The following MARK1 variants were observed in gnomAD, a reference collection of about 807,000 sequenced individuals.
MARK1 encodes the protein serine/threonine-protein kinase MARK1.
MARK1 carries 40 observed loss-of-function variants against 96.3 expected under a neutral mutation model. That is an observed-to-expected ratio of 0.42 (90% CI 0.32 to 0.54). The LOEUF (loss-of-function observed/expected upper bound fraction) is 0.54. Among genes scored for constraint, MARK1 ranks in the 20% least tolerant of loss-of-function variants. MARK1 has a pLI of 0.16. For synonymous variants in MARK1, 317 were observed against 341.2 expected, an observed-to-expected ratio of 0.93 and a Z score of 0.78; for missense variants, 719 against 984.6, an observed-to-expected ratio of 0.73 and a Z score of 3.61.
At chr1:220,578,053 G>A (rs1663992480) in intron 1 of MARK1, among the ~76,000 whole-genome samples, 1 of 152,184 alleles carries the variant, frequency 6.6e-6, no homozygotes, top group South Asian at 2.1e-4. Flanking sequence ...CCTCTTTAAT[G>A]TTGCCTTTAA....
chr1:220,528,604 C>A lies in MARK1; in HGVS notation c.-219C>A, dbSNP rs1660077010. 2.0e-6 allele frequency: 1 copy of A among 492,284 alleles called. No homozygotes were observed. The highest frequency in any genetic ancestry group is 3.6e-6 in the Non-Finnish European group (1 of 280,286). The allele number at this position is 492,284 out of a possible 1,614,324, so 30.5% of individuals were successfully genotyped here. On this transcript the variant is annotated 5_prime_UTR_variant, in exon 1 of 18. Transcript: ENST00000366917. ...CCCTCCCTCGTTACTGTCCGCATAC[C>A]CCGGCGGCGCCGCCGCGGGAAGCGG...
At chr1:220,642,700 A>G (rs1668349638) in intron 13 of MARK1, among the ~76,000 whole-genome samples, 1 of 152,182 alleles carries the variant, frequency 6.6e-6, no homozygotes, top group Admixed American at 6.5e-5. Context: ...GGGTTAGTAG[A>G]CAACTCATAT....
In MARK1 at chr1:220,664,068, C is replaced by T. The variant is rs1343667137; in HGVS notation, c.*1902C>T. ...TATTGAAACTATGAAGGTTTCTTGT[C>T]ATTATGACAAGAAAGTTTAATCTTT... On this transcript the variant is annotated 3_prime_UTR_variant, in exon 18 of 18. Coordinates refer to ENST00000366917, the MANE Select transcript of MARK1 (RefSeq NM_018650.5). 3 of 152,358 alleles carry T rather than the reference C, an allele frequency of 2.0e-5. No individual in the cohort carries two copies. The highest frequency in any genetic ancestry group is 7.2e-5 in the African/African-American group (3 of 41,398). 9.4% of individuals were successfully genotyped at this position (152,358 alleles called of 1,614,324 possible).
At chr1:220,531,182 C>G (rs1660292582) in intron 1 of MARK1, among the ~76,000 whole-genome samples, 1 of 152,160 alleles carries the variant, frequency 6.6e-6, no homozygotes, top group African/African-American at 2.4e-5. Flanking sequence ...TAGTAAATGG[C>G]ATCATCCATT....
Position 220,652,025 on chromosome 1 carries a change from C to T in MARK1, c.1611C>T (p.Gly537=), listed in dbSNP as rs1184599273. 5 of 1,611,620 alleles carry T rather than the reference C, an allele frequency of 3.1e-6. No homozygotes were observed. The highest frequency in any genetic ancestry group is 1.7e-5 in the Admixed American group (1 of 59,990). The change falls in exon 15 of 18, where the codon GGC becomes GGT. Residue 537 remains glycine, a synonymous_variant. Coordinates refer to ENST00000366917, the MANE Select transcript of MARK1 (RefSeq NM_018650.5). ...EMSVSSISSA[G]SSVASAVPSA... ...CTGTGAGTAGCATATCTTCTGCAGGCTCTTCTGTGGCCTCTGCTGTCCCCT... is the reference window on the plus strand; with the variant it reads ...CTGTGAGTAGCATATCTTCTGCAGGTTCTTCTGTGGCCTCTGCTGTCCCCT...
chr1:220,631,051 G>A lies in MARK1; in HGVS notation c.926G>A (p.Arg309Gln), dbSNP rs767899528. ...ATTTCCTAGCAAATAATGAAAGATC[G>A]ATGGATGAATGTTGGTCATGAAGAG... ...RGSLEQIMKD[R>Q]WMNVGHEEEE... is the part of the protein sequence containing the mutation. The change falls in exon 10 of 18, where the codon CGA becomes CAA. Residue 309 changes from arginine to glutamine, a missense_variant. Physicochemically the swap from Arg to Gln is conservative, Grantham distance 43. Around this residue, in one of 4 missense-constraint regions of MARK1, gnomAD observed 501 missense variants for 588.3 expected, o/e 0.85. Transcript: ENST00000366917. 20 of 1,610,928 alleles carry A rather than the reference G, an allele frequency of 1.2e-5. No homozygotes were observed. The highest frequency in any genetic ancestry group is 2.2e-5 in the South Asian group (2 of 90,920).
chr1:220,582,908 CTG>C (rs993263321), intron 3 of MARK1, among the ~76,000 whole-genome samples: 2 of 152,070 alleles, frequency 1.3e-5, no homozygotes, highest in African/African-American at 4.8e-5. Context: ...AGCCAGTACA[CTG>C]TGTGTGTGAT....
chr1:220,627,314 A>G, intron 9 of MARK1: 1 of 504,172 alleles, frequency 2.0e-6, no homozygotes, highest in African/African-American at 2.0e-5. Context: ...TCCAACTTCA[A>G]AAAAGCCAAG....
intron 1 of MARK1, among the ~76,000 whole-genome samples, chr1:220,553,520 A>C (rs1458245726): frequency 6.6e-6 from 1 of 152,190 alleles, no homozygotes; most frequent in Non-Finnish European, 1.5e-5. Flanking sequence ...CATCTCATGC[A>C]ATGTAATTTG....
intron 17 of MARK1, among the ~76,000 whole-genome samples, chr1:220,658,665 G>A (rs546166963): frequency 1.3e-5 from 2 of 152,156 alleles, no homozygotes; most frequent in Non-Finnish European, 1.5e-5. Flanking sequence ...CTTCATTCAG[G>A]AACGATTGTG....
intron 1 of MARK1, among the ~76,000 whole-genome samples, chr1:220,574,860 G>C (rs1210008160): frequency 6.6e-6 from 1 of 152,152 alleles, no homozygotes; most frequent in Non-Finnish European, 1.5e-5. Context: ...TGGCCAAAGG[G>C]TGGTTGTGGT....
At position 220,662,440 on chromosome 1, in the gene MARK1, A is replaced by G. The variant is rs149268447; in HGVS notation, c.*274A>G. On this transcript the variant is annotated 3_prime_UTR_variant, in exon 18 of 18. Coordinates refer to ENST00000366917, the MANE Select transcript of MARK1 (RefSeq NM_018650.5). ...TGTTCATAGAGTTGTATAATAAAAC[A>G]TGATTGCTTAAAAACTTGTATAGTT... 27 of 298,928 alleles carry G rather than the reference A, an allele frequency of 9.0e-5. 1 individual carries two copies. In the South Asian group the frequency reaches 1.5e-3, roughly 17 times the overall value. 18.5% of individuals were successfully genotyped at this position (298,928 alleles called of 1,614,324 possible). A position where few individuals can be genotyped will look rare whatever the true frequency, so the allele number is the denominator to read the frequency against.
chr1:220,538,590 T>C lies in MARK1; in HGVS notation c.51+9717T>C, dbSNP rs527270728. On this transcript the variant is annotated intron_variant, in intron 1 of 17. Coordinates refer to ENST00000366917, the MANE Select transcript of MARK1 (RefSeq NM_018650.5). ...GTTCCATATGAACTTTAAAGTAGTT[T>C]TTTCCAATTCTGTGAAGAAAGTCAT... Among the ~76,000 whole-genome samples, 549 of 151,566 alleles carry C rather than the reference T, an allele frequency of 3.6e-3. 5 individuals carry two copies. The highest frequency in any genetic ancestry group is 0.013 in the African/African-American group (519 of 41,508).
chr1:220,545,430 T>G, intron 1 of MARK1, among the ~76,000 whole-genome samples: 1 of 145,448 alleles, frequency 6.9e-6, no homozygotes. Context: ...AGTGGGCTGC[T>G]TTCTCATGGT....
chr1:220,601,086 T>A (rs548957332), intron 5 of MARK1, among the ~76,000 whole-genome samples: 162 of 151,820 alleles, frequency 1.1e-3, no homozygotes, highest in Non-Finnish European at 2.0e-3. Flanking sequence ...CCCGGCTAAT[T>A]TTTTTGTATT....
intron 3 of MARK1, among the ~76,000 whole-genome samples, chr1:220,592,568 C>A (rs1446761874): frequency 1.3e-5 from 2 of 152,150 alleles, no homozygotes; most frequent in African/African-American, 4.8e-5. Flanking sequence ...GAGCAGAAGA[C>A]CCAGTTAAGT....
At chr1:220,617,688 A>C (rs1304462109) in intron 7 of MARK1, among the ~76,000 whole-genome samples, 1 of 152,238 alleles carries the variant, frequency 6.6e-6, no homozygotes, top group Non-Finnish European at 1.5e-5. Flanking sequence ...CATCAAGAAG[A>C]GAATCTAGTT....
intron 1 of MARK1, among the ~76,000 whole-genome samples, chr1:220,538,546 C>A (rs1194883470): frequency 6.6e-6 from 1 of 151,986 alleles, no homozygotes; most frequent in Non-Finnish European, 1.5e-5. Flanking sequence ...ATTGACTTGG[C>A]GATGTGGGCT....
chr1:220,646,513 T>G (rs1668582478), intron 13 of MARK1, among the ~76,000 whole-genome samples: 1 of 152,156 alleles, frequency 6.6e-6, no homozygotes, highest in South Asian at 2.1e-4. Flanking sequence ...GCTATTCCCA[T>G]TAAACCACCA....
Sources: gnomAD v4.1 joint callset for allele counts (sites outside exome capture counted in the v4.1 genomes callset) on GRCh38, gnomAD v4.1.1 for gene constraint, gnomAD v4.1.1 regional missense constraint, MANE v1.5 for transcripts, NCBI Gene and HGNC (gene_info 2026-07-23, HGNC 2026-07-21) for gene names.